NAV3: variants seen among roughly 807,000 people sequenced by gnomAD.
NAV3 encodes the protein pore membrane and/or filament interacting like protein 1.
NAV3 carries 87 observed loss-of-function variants against 244.7 expected under a neutral mutation model. That is an observed-to-expected ratio of 0.36 (90% CI 0.30 to 0.42). NAV3 has a LOEUF of 0.42. NAV3 is among the 20% of genes least tolerant of loss of function. The pLI is 1.00. For missense variants in NAV3, 2,663 were observed against 2,893.3 expected, an observed-to-expected ratio of 0.92 and a Z score of 1.83; for synonymous variants, 1,126 against 1,042.2, an observed-to-expected ratio of 1.08 and a Z score of -1.55.
intron 12 of NAV3, among the ~76,000 whole-genome samples, chr12:78,113,083 C>A (rs117654709): frequency 6.6e-6 from 1 of 152,184 alleles, no homozygotes; most frequent in African/African-American, 2.4e-5. Context: ...TCATATCTCA[C>A]GTCTAGGTCA....
intron 1 of NAV3, among the ~76,000 whole-genome samples, chr12:77,937,554 G>C (rs1053336756): frequency 2.0e-5 from 3 of 152,162 alleles, no homozygotes; most frequent in Admixed American, 6.5e-5. Context: ...ACGAAATACA[G>C]TTTGATGGAA....
intron 1 of NAV3, among the ~76,000 whole-genome samples, chr12:77,922,690 GAAT>G (rs1475587470): frequency 6.6e-6 from 1 of 152,044 alleles, no homozygotes; most frequent in African/African-American, 2.4e-5. Context: ...CTCTCTTTGA[GAAT>G]AATAATGAGT....
intron 2 of NAV3, among the ~76,000 whole-genome samples, chr12:77,583,884 T>A (rs542992208): frequency 2.0e-5 from 3 of 152,272 alleles, no homozygotes; most frequent in African/African-American, 7.2e-5. Flanking sequence ...CTTCCAGACA[T>A]ATTGACAACC....
At chr12:77,660,117 A>AT (rs1873363427) in intron 2 of NAV3, among the ~76,000 whole-genome samples, 1 of 150,610 alleles carries the variant, frequency 6.6e-6, no homozygotes, top group South Asian at 2.1e-4. Context: ...CATAATAATA[A>AT]AAAAAAAAGA....
At chr12:77,610,809 T>G (rs1870877897) in intron 2 of NAV3, among the ~76,000 whole-genome samples, 1 of 152,018 alleles carries the variant, frequency 6.6e-6, no homozygotes. Flanking sequence ...GCAAAGCAGC[T>G]CTTTTTTTGC....
At chr12:78,042,647 C>T (rs571837540) in intron 9 of NAV3, among the ~76,000 whole-genome samples, 6 of 152,042 alleles carry the variant, frequency 3.9e-5, no homozygotes, top group South Asian at 2.1e-4. Flanking sequence ...AAAAATTAGC[C>T]GGGCATGGTG....
At chr12:77,959,305 A>G (rs1431058195) in intron 3 of NAV3, among the ~76,000 whole-genome samples, 1 of 152,048 alleles carries the variant, frequency 6.6e-6, no homozygotes, top group African/African-American at 2.4e-5. Context: ...GTTAATTCTT[A>G]AGTGTAGTAG....
intron 9 of NAV3, among the ~76,000 whole-genome samples, chr12:78,024,610 A>C (rs1877691513): frequency 6.6e-6 from 1 of 152,114 alleles, no homozygotes; most frequent in Admixed American, 6.6e-5. Flanking sequence ...TCTTCTCTTT[A>C]ATAGCTCCCT....
At chr12:77,681,941 C>T (rs1448019771) in intron 2 of NAV3, among the ~76,000 whole-genome samples, 1 of 152,166 alleles carries the variant, frequency 6.6e-6, no homozygotes, top group African/African-American at 2.4e-5. Flanking sequence ...ATGGCATCGT[C>T]AAGCTATTTA....
chr12:78,146,725 G>T (rs746103630), intron 21 of NAV3, among the ~76,000 whole-genome samples: 2 of 151,332 alleles, frequency 1.3e-5, no homozygotes, highest in African/African-American at 2.4e-5. Flanking sequence ...CCCACTCCCT[G>T]TAAGACCATC....
chr12:78,036,871 G>C, intron 9 of NAV3: 1 of 691,252 alleles, frequency 1.4e-6, no homozygotes, highest in East Asian at 2.7e-5. Context: ...ATCATGCAGC[G>C]GCCTGCTGAA....
intron 23 of NAV3, among the ~76,000 whole-genome samples, chr12:78,159,994 C>T (rs1208748452): frequency 6.6e-6 from 1 of 152,106 alleles, no homozygotes; most frequent in Non-Finnish European, 1.5e-5. Context: ...GGCTAAGACA[C>T]ACAGGAAGGA....
intron 2 of NAV3, among the ~76,000 whole-genome samples, chr12:77,788,585 A>C (rs938027852): frequency 6.6e-6 from 1 of 151,462 alleles, no homozygotes; most frequent in Non-Finnish European, 1.5e-5. Flanking sequence ...TTACACATGG[A>C]ATACTCTTAA....
At chr12:78,203,840 CT>C (rs11457084) in intron 38 of NAV3, among the ~76,000 whole-genome samples, 195 of 142,520 alleles carry the variant, frequency 1.4e-3, no homozygotes, top group Non-Finnish European at 1.4e-3. Flanking sequence ...TAATATTATA[CT>C]TTTTTTTTTT....
intron 2 of NAV3, among the ~76,000 whole-genome samples, chr12:77,757,427 C>T (rs1869241114): frequency 1.3e-5 from 2 of 152,178 alleles, no homozygotes; most frequent in South Asian, 4.1e-4. Flanking sequence ...AATGTGCCTT[C>T]TTCTCTCTAA....
intron 2 of NAV3, among the ~76,000 whole-genome samples, chr12:77,791,840 T>A (rs1381346377): frequency 6.6e-6 from 1 of 152,266 alleles, no homozygotes; most frequent in Non-Finnish European, 1.5e-5. Flanking sequence ...AGTATTTGCA[T>A]AGCACTCACA....
At chr12:77,735,426 G>T (rs1877294203) in intron 2 of NAV3, among the ~76,000 whole-genome samples, 1 of 152,012 alleles carries the variant, frequency 6.6e-6, no homozygotes, top group African/African-American at 2.4e-5. Context: ...CTCACACTAG[G>T]AGCTCAGAAA....
At chr12:77,939,345 CT>C (rs1889642211) in intron 1 of NAV3, among the ~76,000 whole-genome samples, 1 of 152,064 alleles carries the variant, frequency 6.6e-6, no homozygotes, top group Non-Finnish European at 1.5e-5. Context: ...GGCCTAGGTT[CT>C]ATGTTATTTC....
chr12:78,068,646 A>T (rs1030539106), intron 12 of NAV3, among the ~76,000 whole-genome samples: 2 of 147,560 alleles, frequency 1.4e-5, no homozygotes, highest in African/African-American at 4.9e-5. Context: ...CATATATATA[A>T]TTTATAATAC....
Sources: gnomAD v4.1 joint callset for allele counts (sites outside exome capture counted in the v4.1 genomes callset) on GRCh38, gnomAD v4.1.1 for gene constraint, MANE v1.5 for transcripts, NCBI Gene and HGNC (gene_info 2026-07-23, HGNC 2026-07-21) for gene names.